CFAP74: variants seen among roughly 807,000 people sequenced by gnomAD.
The protein encoded by CFAP74 is cilia and flagella associated protein 74, also known as cilia- and flagella-associated protein 74.
A neutral mutation model predicts 188.9 loss-of-function variants in CFAP74; 124 were observed. The ratio of observed to expected loss-of-function variants is 0.66; its 90% CI spans 0.57 to 0.76. CFAP74 has a LOEUF of 0.76. Ranked by LOEUF, CFAP74 falls within the 30% of genes least tolerant of loss-of-function variation. The probability of loss-of-function intolerance (pLI) is 0.00; values close to 1 mark genes in which losing one functional copy is unlikely to be tolerated. For missense variants in CFAP74, 2,198 were observed against 2,165.2 expected (o/e 1.02, Z -0.30); for synonymous variants, 956 against 916.7 (o/e 1.04, Z -0.77).
rs1310807230 is a variant in CFAP74 at position 1,990,967 on chromosome 1, A to G, written c.-11T>C. On this transcript the variant is annotated 5_prime_UTR_variant, in exon 2 of 39. Transcript: ENST00000682832. ...GCCGTCATCCTCCATGCTGGGAGAT[A>G]GAAATTAGCTGCAAAAGATGATCGC... 6.2e-7 allele frequency: 1 copy of G among 1,604,756 alleles called. No individual in the cohort carries two copies. Among genetic ancestry groups the G allele is most frequent in the Non-Finnish European group, 8.5e-7 (1 of 1,176,764 alleles).
At position 1,962,476 on chromosome 1, in the gene CFAP74, C is replaced by CAA. The variant is rs556157241; in HGVS notation, c.1694+1271_1694+1272dup. On this transcript the variant is annotated intron_variant, in intron 14 of 38. Transcript: ENST00000682832. ...GGGCAACAAGAGTGAAACTCCATCTCAAAAAAAAAAAAAAAAAAGTAAGTT... is the reference window on the plus strand; with the variant it reads ...GGGCAACAAGAGTGAAACTCCATCTCAAAAAAAAAAAAAAAAAAAAGTAAGTT... Among the ~76,000 whole-genome samples the CAA allele has an allele frequency of 3.4e-3, 237 of 69,300 alleles. 4 individuals carry two copies. Among genetic ancestry groups the CAA allele is most frequent in the Middle Eastern group, 0.01 (1 of 100 alleles). The allele number at this position is 69,300 out of a possible 152,430, so 45.5% of individuals were successfully genotyped here. A position where few individuals can be genotyped will look rare whatever the true frequency, so the allele number is the denominator to read the frequency against.
chr1:1,999,641 A>G (rs1571004560), intron 1 of CFAP74, among the ~76,000 whole-genome samples: 1 of 150,794 alleles, frequency 6.6e-6, no homozygotes, highest in African/African-American at 2.4e-5. Context: ...ACATGGTGAA[A>G]CCCCGTCTCT....
chr1:1,987,810 G>A (rs537081742), intron 4 of CFAP74, among the ~76,000 whole-genome samples: 1 of 152,284 alleles, frequency 6.6e-6, no homozygotes, highest in East Asian at 1.9e-4. Flanking sequence ...AAAGTGCTGG[G>A]ATTACAGGTG....
chr1:1,949,248 T>C lies in CFAP74; in HGVS notation c.2177-2194A>G, dbSNP rs144980471. Among the ~76,000 whole-genome samples the C allele has an allele frequency of 2.7e-3, 400 of 149,160 alleles. 15 individuals carry two copies. The East Asian group carries it at 0.067, about 25-fold the overall frequency. On this transcript the variant is annotated intron_variant, in intron 18 of 38. Transcript: ENST00000682832. ...ATCTCGGCTCACCACAACCTCTGCC[T>C]CCCGGGTTCAAGTGATTCAAGTGCC...
chr1:1,974,218 C>A lies in CFAP74; in HGVS notation c.501-20G>T. 6.4e-7 allele frequency: 1 copy of A among 1,571,878 alleles called. No homozygotes were observed. The highest frequency in any genetic ancestry group is 8.7e-7 in the Non-Finnish European group (1 of 1,154,580). On this transcript the variant is annotated intron_variant, in intron 6 of 38. Transcript: ENST00000682832. ...GTGTTCCTTCAAACAAGAGGCAAAG[C>A]AGCTGGAGACGGGCCCCACAGTCAT...
rs1004481196 is a variant in CFAP74, at chr1:1,942,298, G to A, written c.2487-142C>T. 8.1e-6 allele frequency: 6 copies of A among 740,276 alleles called. No homozygotes were observed. In the Admixed American group the frequency reaches 1.9e-4, roughly 23 times the overall value. The allele number at this position is 740,276 out of a possible 1,614,324, so 45.9% of individuals were successfully genotyped here. On this transcript the variant is annotated intron_variant, in intron 21 of 38. Transcript: ENST00000682832. The surrounding 1 kb of genome is among the most constrained non-coding windows in gnomAD (Gnocchi z 4.3). ...CCCACCCACTCCAAGCCATGCACGT[G>A]CACCTCGACAATCGGAGTCCTCAAA... is the stretch of plus-strand genomic sequence containing the variant.
intron 8 of CFAP74, 106 bp downstream of exon 8, chr1:1,972,831 G>C (rs1656183900): frequency 2.4e-6 from 2 of 820,414 alleles, no homozygotes; most frequent in Non-Finnish European, 4.0e-6. Context: ...GACAGAGCAA[G>C]GCTCCATCTT....
At position 1,942,407 on chromosome 1, in the gene CFAP74, G is replaced by A. The variant is rs992152666; in HGVS notation, c.2487-251C>T. Among the ~76,000 whole-genome samples, 3 of 152,174 alleles carry A rather than the reference G, an allele frequency of 2.0e-5. No individual in the cohort carries two copies. The highest frequency in any genetic ancestry group is 4.4e-5 in the Non-Finnish European group (3 of 68,020). The stretch of plus-strand genomic sequence containing the variant: ...ATAACCACATCGAAACGGAAGCACG[G>A]TCCTAATGGGCTCTCGGGAACCAGA... On this transcript the variant is annotated intron_variant, in intron 21 of 38. Coordinates refer to ENST00000682832, the MANE Select transcript of CFAP74 (RefSeq NM_001304360.2). The surrounding 1 kb of genome is among the most constrained non-coding windows in gnomAD (Gnocchi z 4.3).
Position 1,972,961 on chromosome 1 carries a change from C to G in CFAP74, c.761G>C (p.Arg254Pro). The G allele has an allele frequency of 6.2e-7, 1 of 1,613,968 alleles. No individual in the cohort carries two copies. ...CCTTCCCAGGGAGGCCTTCAGGAACCGCACGGCAACCTTGTGGTTCTTCCG... is the reference window on the plus strand; with the variant it reads ...CCTTCCCAGGGAGGCCTTCAGGAACGGCACGGCAACCTTGTGGTTCTTCCG... The part of the protein sequence containing the change: ...DARKNHKVAV[R>P]FLKASLGRIR... The change falls in exon 8 of 39, where the codon CGG becomes CCG. Residue 254 changes from arginine to proline, a missense_variant. By Grantham distance (103) the Arg-to-Pro change is moderately radical. Transcript: ENST00000682832.
In CFAP74 at chr1:1,973,325, G is replaced by A. The variant is rs1325100039; in HGVS notation, c.675-278C>T. Among the ~76,000 whole-genome samples the A allele has an allele frequency of 6.6e-6, 1 of 152,180 alleles. No homozygotes were observed. The highest frequency in any genetic ancestry group is 2.4e-5 in the African/African-American group (1 of 41,448). ...CTGGGCAGGGGTCTGGGAAGAGGAC[G>A]GTGCAGGCACAGCAGTGCTGTGGGG... On this transcript the variant is annotated intron_variant, in intron 7 of 38. Transcript: ENST00000682832. This position sits in a 1 kb window ranked among gnomAD's most constrained non-coding sequence, Gnocchi z 6.2.
In CFAP74 at chr1:1,986,999, C is replaced by T. The variant is rs1235351771; in HGVS notation, c.333G>A (p.Leu111=). ...CCACAGCCTCCTGCTGCTTGTCGATCAGGTCCCGCCTCTGCCGACAGGCGC... is the reference window on the plus strand; with the variant it reads ...CCACAGCCTCCTGCTGCTTGTCGATTAGGTCCCGCCTCTGCCGACAGGCGC... The part of the protein sequence containing the change: ...ELRACRQRRD[L]IDKQQEAVAA... Residue 111 remains leucine, a synonymous_variant, in exon 5 of 39, where the codon CTG becomes CTA. Coordinates refer to ENST00000682832, the MANE Select transcript of CFAP74 (RefSeq NM_001304360.2). 2 of 1,600,694 alleles carry T rather than the reference C, an allele frequency of 1.2e-6. No individual in the cohort carries two copies. Among genetic ancestry groups the T allele is most frequent in the Non-Finnish European group, 1.7e-6 (2 of 1,178,610 alleles).
At position 1,974,109 on chromosome 1, in the gene CFAP74, C is replaced by T. The variant is rs367581557; in HGVS notation, c.590G>A (p.Arg197Gln). 3.7e-5 allele frequency: 60 copies of T among 1,612,440 alleles called. 1 individual carries two copies. The East Asian group carries it at 3.8e-4, about 10-fold the overall frequency. The change falls in exon 7 of 39, where the codon CGG (arginine) becomes CAG (glutamine). Residue 197 changes from arginine (R) to glutamine (Q), a missense_variant. Physicochemically the swap from Arg to Gln is conservative, Grantham distance 43. Coordinates refer to ENST00000682832, the MANE Select transcript of CFAP74 (RefSeq NM_001304360.2). ...DREEVEATGR[R>Q]LQVRAAEQLC... ...CTGCTCGGCTGCGCGCACCTGGAGC[C>T]GCCGCCCCGTGGCCTCCACCTCCTC...
rs72896708 is a variant in CFAP74 at position 1,986,905 on chromosome 1, C to T, written c.395+32G>A. 3,343 of 1,575,964 alleles carry T rather than the reference C, an allele frequency of 2.1e-3. 47 individuals carry two copies. The African/African-American group carries it at 0.036, about 17-fold the overall frequency. ...GAACCTCCGGCCCTGACCTCATGCC[C>T]GGTTCCCTGCCCCCTGGCGAGGGCC... On this transcript the variant is annotated intron_variant, in intron 5 of 38. Transcript: ENST00000682832.
At chr1:1,967,118 G>A (rs1655525828) in intron 11 of CFAP74, among the ~76,000 whole-genome samples, 1 of 152,222 alleles carries the variant, frequency 6.6e-6, no homozygotes, top group Non-Finnish European at 1.5e-5. Flanking sequence ...TTACAGGTGT[G>A]AGCCACCGCG....
At chr1:1,927,363 G>A in intron 28 of CFAP74, 1 of 575,668 alleles carries the variant, frequency 1.7e-6, no homozygotes, top group Non-Finnish European at 3.1e-6. Flanking sequence ...CTGGGTGGGG[G>A]GTGGTGGCTT....
intron 1 of CFAP74, among the ~76,000 whole-genome samples, chr1:1,996,663 G>T (rs909114155): frequency 6.6e-6 from 1 of 152,158 alleles, no homozygotes; most frequent in East Asian, 1.9e-4. Context: ...GCTCATGTCT[G>T]TGATCTCAGC....
At chr1:1,946,873 TC>T (rs1231401609) in intron 19 of CFAP74, 116 bp downstream of exon 19, 2 of 793,318 alleles carry the variant, frequency 2.5e-6, no homozygotes, top group Non-Finnish European at 4.1e-6. Flanking sequence ...CTGTCTCTGG[TC>T]AAACGCAAGG....
In CFAP74 at chr1:1,973,929, A is replaced by G; in HGVS notation, c.674+96T>C. Reference sequence around the variant, plus strand: ...TGGAGGTGGATCTGGACAGATGTGGAGGGCGAGGCTGAATCTGGAGACCCC... The same window carrying G: ...TGGAGGTGGATCTGGACAGATGTGGGGGGCGAGGCTGAATCTGGAGACCCC... On this transcript the variant is annotated intron_variant, in intron 7 of 38. Coordinates refer to ENST00000682832, the MANE Select transcript of CFAP74 (RefSeq NM_001304360.2). The surrounding 1 kb of genome is among the most constrained non-coding windows in gnomAD (Gnocchi z 6.2). The G allele has an allele frequency of 1.6e-6, 2 of 1,212,296 alleles. No individual in the cohort carries two copies. The highest frequency in any genetic ancestry group is 3.0e-5 in the Admixed American group (1 of 32,946). The allele number at this position is 1,212,296 out of a possible 1,614,324, so 75.1% of individuals were successfully genotyped here. A position where few individuals can be genotyped will look rare whatever the true frequency, so the allele number is the denominator to read the frequency against.
In CFAP74 at chr1:1,942,061, G is replaced by A. The variant is rs926864925; in HGVS notation, c.2582C>T (p.Ser861Leu). 1.2e-5 allele frequency: 19 copies of A among 1,530,770 alleles called. No individual in the cohort carries two copies. The highest frequency in any genetic ancestry group is 6.9e-5 in the African/African-American group (5 of 72,838). 94.8% of individuals were successfully genotyped at this position (1,530,770 alleles called of 1,614,324 possible). The part of the protein sequence containing the change: ...LPKTGYIQAQ[S>L]SYSVQLKFLP... ...GAACTTGAGCTGCACGGAGTAGGAC[G>A]ACTGTGCCTGGATATAGCCTGTCTT... The change falls in exon 22 of 39, where the codon TCG (serine) becomes TTG (leucine). Residue 861 changes from serine (S) to leucine (L), a missense_variant. Transcript: ENST00000682832. The surrounding 1 kb of genome is among the most constrained non-coding windows in gnomAD (Gnocchi z 4.3).
Sources: allele counts gnomAD v4.1 joint callset (sites outside exome capture counted in the v4.1 genomes callset), GRCh38; gene constraint gnomAD v4.1.1; non-coding constraint Gnocchi (gnomAD v3.1); transcripts MANE v1.5; gene names NCBI Gene and HGNC (gene_info 2026-07-23, HGNC 2026-07-21).